The following UMAD1 variants were observed in gnomAD, a reference collection of about 807,000 sequenced individuals.
The protein encoded by UMAD1 is UBAP1-MVB12-associated (UMA) domain containing 1.
UMAD1 carries 8 observed loss-of-function variants against 6.1 expected under a neutral mutation model. The observed-to-expected ratio is 1.30, with a 90% CI of 0.76 to 2.35. The LOEUF (loss-of-function observed/expected upper bound fraction) is 2.35, where lower values mean the gene tolerates loss of function less well. Ranked by LOEUF, UMAD1 falls within the 30% of genes most tolerant of loss-of-function variation. The pLI is 0.00. For missense variants in UMAD1, 130 were observed against 78.4 expected, an observed-to-expected ratio of 1.66 and a Z score of -2.49; for synonymous variants, 56 against 31.4, an observed-to-expected ratio of 1.78 and a Z score of -2.61.
At chr7:7,848,983 C>T (rs17138583) in intron 3 of UMAD1, among the ~76,000 whole-genome samples, 62,721 of 151,826 alleles carry the variant, frequency 0.41, 13,651 homozygotes, top group African/African-American at 0.47. Context: ...AGTTATGGTT[C>T]GATTTTATAT....
chr7:7,837,193 T>C (rs1167535964), intron 3 of UMAD1, among the ~76,000 whole-genome samples: 2 of 151,996 alleles, frequency 1.3e-5, no homozygotes, highest in Non-Finnish European at 2.9e-5. Context: ...TATAACTCAA[T>C]CTAGAAGTCC....
intron 2 of UMAD1, among the ~76,000 whole-genome samples, chr7:7,723,815 A>G (rs994113864): frequency 1.3e-5 from 2 of 152,218 alleles, no homozygotes; most frequent in Non-Finnish European, 2.9e-5. Context: ...AGGCAAAGCA[A>G]CAATCAGAAT....
At chr7:7,860,356 C>T (rs12530790) in intron 3 of UMAD1, among the ~76,000 whole-genome samples, 67,613 of 151,782 alleles carry the variant, frequency 0.45, 16,396 homozygotes, top group African/African-American at 0.62. Context: ...TCTCTCACTT[C>T]GGGCCCTTGC....
At chr7:7,721,665 C>G (rs1485150864) in intron 2 of UMAD1, among the ~76,000 whole-genome samples, 2 of 152,222 alleles carry the variant, frequency 1.3e-5, no homozygotes, top group Non-Finnish European at 2.9e-5. Flanking sequence ...GAATCAATCT[C>G]TGTGCTGCCT....
At chr7:7,820,810 A>G (rs1464536112) in intron 3 of UMAD1, among the ~76,000 whole-genome samples, 5 of 152,278 alleles carry the variant, frequency 3.3e-5, no homozygotes, top group African/African-American at 4.8e-5. Flanking sequence ...TAGGAATTGC[A>G]TAGTTTATTA....
chr7:7,777,505 CAAAAAAAA>C (rs1191099834), intron 2 of UMAD1, among the ~76,000 whole-genome samples: 1 of 24,566 alleles, frequency 4.1e-5, no homozygotes. Context: ...GACTCCATCT[CAAAAAAAA>C]AAAAAAAAAA....
chr7:7,805,507 C>G (rs4725030), intron 3 of UMAD1, among the ~76,000 whole-genome samples: 4 of 151,970 alleles, frequency 2.6e-5, no homozygotes, highest in African/African-American at 9.7e-5. Context: ...TACTAGGGCC[C>G]CATTCTTTCT....
chr7:7,780,833 G>T (rs1782331000), intron 2 of UMAD1, among the ~76,000 whole-genome samples: 1 of 152,106 alleles, frequency 6.6e-6, no homozygotes, highest in African/African-American at 2.4e-5. Flanking sequence ...ATATTATATT[G>T]TGTGTTTATG....
At chr7:7,697,080 T>A (rs1780338870) in intron 2 of UMAD1, among the ~76,000 whole-genome samples, 1 of 152,180 alleles carries the variant, frequency 6.6e-6, no homozygotes, top group Non-Finnish European at 1.5e-5. Flanking sequence ...GTAGATGAGA[T>A]GATTTTCAGT....
chr7:7,697,065 T>C (rs1187503130), intron 2 of UMAD1, among the ~76,000 whole-genome samples: 5 of 152,176 alleles, frequency 3.3e-5, no homozygotes, highest in African/African-American at 1.2e-4. Context: ...AGGAACGGTC[T>C]TGTGGTAGAT....
chr7:7,719,642 G>GTT (rs200626812), intron 2 of UMAD1, among the ~76,000 whole-genome samples: 1 of 122,068 alleles, frequency 8.2e-6, no homozygotes, highest in Non-Finnish European at 1.7e-5. Context: ...GAAAGTAGTA[G>GTT]TTTTTTTTTT....
intron 2 of UMAD1, among the ~76,000 whole-genome samples, chr7:7,709,781 GT>G (rs563873791): frequency 0.14 from 21,176 of 148,548 alleles, 1,829 homozygotes; most frequent in Middle Eastern, 0.2. Flanking sequence ...ACCTTTTAAA[GT>G]TTTTTTTTTT....
intron 2 of UMAD1, among the ~76,000 whole-genome samples, chr7:7,677,584 T>C (rs1245947934): frequency 2.0e-5 from 3 of 152,110 alleles, no homozygotes; most frequent in Admixed American, 1.3e-4. Context: ...AAGGACAGGA[T>C]TTCATTCTTT....
At chr7:7,817,269 G>A (rs1238562331) in intron 3 of UMAD1, among the ~76,000 whole-genome samples, 1 of 152,184 alleles carries the variant, frequency 6.6e-6, no homozygotes, top group East Asian at 1.9e-4. Context: ...CATCTGACCA[G>A]GAGTGCCATG....
chr7:7,839,788 A>G (rs1407097788), intron 3 of UMAD1, among the ~76,000 whole-genome samples: 1 of 152,190 alleles, frequency 6.6e-6, no homozygotes, highest in Admixed American at 6.5e-5. Flanking sequence ...TTACAGTTGC[A>G]TGTAGGTTGG....
Position 7,748,909 on chromosome 7 carries a change from C to G in UMAD1, c.83-52761C>G, listed in dbSNP as rs1781626687. Among the ~76,000 whole-genome samples the G allele has an allele frequency of 2.6e-5, 4 of 151,102 alleles. No individual in the cohort carries two copies. The South Asian group carries it at 8.3e-4, about 31-fold the overall frequency. On this transcript the variant is annotated intron_variant, in intron 2 of 3. Coordinates refer to ENST00000682710, the MANE Select transcript of UMAD1 (RefSeq NM_001302348.2). The stretch of plus-strand genomic sequence containing the variant: ...AGTAAATCTAAGAACTGCCAAACTT[C>G]TCACACTCCTAATTCCCTCTTTTAT...
chr7:7,694,361 A>AT (rs1019532847), intron 2 of UMAD1, among the ~76,000 whole-genome samples: 1 of 152,106 alleles, frequency 6.6e-6, no homozygotes, highest in Non-Finnish European at 1.5e-5. Context: ...AGCATTTATC[A>AT]TTTTTTTGTG....
chr7:7,673,710 CCTT>C (rs1563108721), intron 2 of UMAD1, among the ~76,000 whole-genome samples: 7 of 132,466 alleles, frequency 5.3e-5, no homozygotes, highest in Non-Finnish European at 3.5e-5. Flanking sequence ...TTTTTCCCCC[CCTT>C]TTTTTTTTTA....
intron 1 of UMAD1, among the ~76,000 whole-genome samples, chr7:7,655,819 G>GAC: frequency 6.7e-6 from 1 of 150,290 alleles, no homozygotes; most frequent in South Asian, 2.1e-4. Flanking sequence ...ATTTAGGACA[G>GAC]TCTCTCTCTC....
Sources: allele counts gnomAD v4.1 joint callset (sites outside exome capture counted in the v4.1 genomes callset), GRCh38; gene constraint gnomAD v4.1.1; transcripts MANE v1.5; gene names NCBI Gene and HGNC (gene_info 2026-07-23, HGNC 2026-07-21).